The following GNG12 variants were observed in gnomAD, a reference collection of about 807,000 sequenced individuals.
GNG12 encodes the protein G protein subunit gamma 12.
For synonymous variants in GNG12, 28 were observed against 29.7 expected, an observed-to-expected ratio of 0.94 and a Z score of 0.19; for missense variants, 69 against 83.8, an observed-to-expected ratio of 0.82 and a Z score of 0.69.
chr1:67,789,430 TA>T (rs199837660), intron 1 of GNG12, among the ~76,000 whole-genome samples: 2 of 151,670 alleles, frequency 1.3e-5, no homozygotes, highest in Admixed American at 6.6e-5. Context: ...CTTAGAAAAC[TA>T]AAAAAAAATT....
intron 1 of GNG12, among the ~76,000 whole-genome samples, chr1:67,785,519 C>CCAGT (rs1366662146): frequency 6.6e-6 from 1 of 152,108 alleles, no homozygotes; most frequent in Non-Finnish European, 1.5e-5. Flanking sequence ...TGGTAAGGTA[C>CCAGT]CAGTGGTCCA....
At chr1:67,773,573 C>A (rs146371452) in intron 2 of GNG12, among the ~76,000 whole-genome samples, 1 of 152,186 alleles carries the variant, frequency 6.6e-6, no homozygotes, top group East Asian at 1.9e-4. Context: ...AACCTAGAAC[C>A]ATGGGGCTCA....
intron 2 of GNG12, among the ~76,000 whole-genome samples, chr1:67,767,652 AGTTTGTTT>A (rs1436603567): frequency 6.6e-6 from 1 of 152,208 alleles, no homozygotes; most frequent in African/African-American, 2.4e-5. Context: ...ATCTAAACAT[AGTTTGTTT>A]GCATATTTTC....
At chr1:67,708,233 T>G (rs1321445587) in intron 2 of GNG12, among the ~76,000 whole-genome samples, 1 of 152,242 alleles carries the variant, frequency 6.6e-6, no homozygotes, top group Non-Finnish European at 1.5e-5. Flanking sequence ...TAAAGGGTGC[T>G]TATTTTTAGA....
intron 1 of GNG12, among the ~76,000 whole-genome samples, chr1:67,831,429 T>C (rs191469916): frequency 6.6e-6 from 1 of 152,214 alleles, no homozygotes; most frequent in Non-Finnish European, 1.5e-5. Context: ...TCTATTTTTT[T>C]CAGGCTCTTG....
intron 2 of GNG12, among the ~76,000 whole-genome samples, chr1:67,771,820 G>T (rs11209149): frequency 2.6e-5 from 4 of 152,192 alleles, no homozygotes; most frequent in African/African-American, 9.7e-5. Flanking sequence ...AGAGTTCAGA[G>T]AATGCATGTA....
chr1:67,780,904 G>A (rs1646733924), intron 1 of GNG12, among the ~76,000 whole-genome samples: 1 of 152,330 alleles, frequency 6.6e-6, no homozygotes, highest in South Asian at 2.1e-4. Context: ...AGGACTGCCA[G>A]AAAAGACACA....
intron 2 of GNG12, among the ~76,000 whole-genome samples, chr1:67,771,754 C>G (rs1369507135): frequency 1.3e-5 from 2 of 152,160 alleles, no homozygotes; most frequent in African/African-American, 2.4e-5. Context: ...CTGGAAGGAG[C>G]TGGTTCCAGC....
intron 1 of GNG12, among the ~76,000 whole-genome samples, chr1:67,807,325 G>GA (rs1262209725): frequency 6.6e-6 from 1 of 151,152 alleles, no homozygotes; most frequent in East Asian, 1.9e-4. Context: ...ACATATATCA[G>GA]AAAAAAAGAA....
chr1:67,746,797 T>C (rs1490411760), intron 2 of GNG12, among the ~76,000 whole-genome samples: 1 of 152,220 alleles, frequency 6.6e-6, no homozygotes, highest in East Asian at 1.9e-4. Flanking sequence ...TTCTAAAACA[T>C]TTATTCTCTC....
intron 2 of GNG12, among the ~76,000 whole-genome samples, chr1:67,772,896 T>A (rs1157701514): frequency 6.6e-6 from 1 of 152,204 alleles, no homozygotes; most frequent in Non-Finnish European, 1.5e-5. Context: ...AGAAACCCAG[T>A]ACTGATAGCT....
intron 2 of GNG12, among the ~76,000 whole-genome samples, chr1:67,776,837 G>C (rs1195725895): frequency 2.6e-5 from 4 of 152,160 alleles, no homozygotes; most frequent in Non-Finnish European, 5.9e-5. Flanking sequence ...GGTTTGTTAT[G>C]CAGCATAATA....
At chr1:67,741,871 T>C (rs1327481933) in intron 2 of GNG12, among the ~76,000 whole-genome samples, 1 of 152,230 alleles carries the variant, frequency 6.6e-6, no homozygotes, top group Admixed American at 6.5e-5. Flanking sequence ...CTGGCTTCTT[T>C]ACATAAAGCA....
At chr1:67,737,626 T>C (rs1478534791) in intron 2 of GNG12, among the ~76,000 whole-genome samples, 2 of 152,126 alleles carry the variant, frequency 1.3e-5, no homozygotes, top group Non-Finnish European at 2.9e-5. Flanking sequence ...TTTTTTTAAA[T>C]GTATAAGCAC....
chr1:67,735,937 C>T (rs1191164707), intron 2 of GNG12, among the ~76,000 whole-genome samples: 13 of 152,134 alleles, frequency 8.5e-5, no homozygotes, highest in Non-Finnish European at 2.9e-5. Context: ...AAAGACAGGG[C>T]TGATTTCCTG....
Position 67,790,245 on chromosome 1 carries a change from G to A in GNG12, c.-76-12738C>T, listed in dbSNP as rs141163972. Among the ~76,000 whole-genome samples, 725 of 152,210 alleles carry A rather than the reference G, an allele frequency of 4.8e-3. 7 individuals carry two copies. The highest frequency in any genetic ancestry group is 0.017 in the African/African-American group (686 of 41,528). On this transcript the variant is annotated intron_variant, in intron 1 of 3. Coordinates refer to ENST00000370982, the MANE Select transcript of GNG12 (RefSeq NM_018841.6). ...TAAAGCCACCTTTGCTGCCTCTATT[G>A]TAATATTAGTTTGCACCCCCGCCTC...
intron 2 of GNG12, among the ~76,000 whole-genome samples, chr1:67,770,164 G>A (rs1367243105): frequency 1.3e-5 from 2 of 152,192 alleles, no homozygotes; most frequent in African/African-American, 2.4e-5. Context: ...TTTCTAAGAA[G>A]ATGGCTCTAA....
chr1:67,755,643 C>T (rs1456299592), intron 2 of GNG12, among the ~76,000 whole-genome samples: 2 of 152,132 alleles, frequency 1.3e-5, no homozygotes, highest in African/African-American at 2.4e-5. Context: ...AATATAAAAG[C>T]TCTACAGTCC....
intron 2 of GNG12, among the ~76,000 whole-genome samples, chr1:67,707,919 T>G (rs1488674778): frequency 6.6e-6 from 1 of 152,186 alleles, no homozygotes. Flanking sequence ...ACATAAATCT[T>G]TAGTTTGCAG....
Sources: gnomAD v4.1 joint callset for allele counts (sites outside exome capture counted in the v4.1 genomes callset) on GRCh38, gnomAD v4.1.1 for gene constraint, MANE v1.5 for transcripts, NCBI Gene and HGNC (gene_info 2026-07-23, HGNC 2026-07-21) for gene names.